BTAF1: variants seen among roughly 807,000 people sequenced by gnomAD.
The protein encoded by BTAF1 is B-TFIID TATA-box binding protein associated factor 1, also known as TATA-binding protein-associated factor 172.
In BTAF1, 38 loss-of-function variants were observed where a neutral mutation model predicts 227.1. The ratio of observed to expected loss-of-function variants is 0.17; its 90% CI spans 0.13 to 0.22. BTAF1 has a LOEUF of 0.22. BTAF1 is among the 10% of genes least tolerant of loss of function. BTAF1 has a pLI of 1.00. For missense variants in BTAF1, 1,598 were observed against 2,204.0 expected, an observed-to-expected ratio of 0.73 and a Z score of 5.51; for synonymous variants, 742 against 751.9, an observed-to-expected ratio of 0.99 and a Z score of 0.21.
Position 91,924,116 on chromosome 10 carries a change from C to G in BTAF1, c.14+26C>G. 6 of 1,605,288 alleles carry G rather than the reference C, an allele frequency of 3.7e-6. No homozygotes were observed. The South Asian group carries it at 4.5e-5, about 12-fold the overall frequency. On this transcript the variant is annotated intron_variant, in intron 1 of 37. Transcript: ENST00000265990. Reference sequence around the variant, plus strand: ...GTGGGTCTTGCTCCTGACGAGCAAACTGGAAGGCGATTCAGGGAAGGCATG... The same window carrying G: ...GTGGGTCTTGCTCCTGACGAGCAAAGTGGAAGGCGATTCAGGGAAGGCATG...
intron 22 of BTAF1, 118 bp downstream of exon 22, chr10:91,993,965 G>A (rs547251896): frequency 1.3e-6 from 1 of 762,132 alleles, no homozygotes; most frequent in Non-Finnish European, 1.8e-6. Context: ...AGACCAGCTG[G>A]TAAGTTTTAA....
intron 26 of BTAF1, among the ~76,000 whole-genome samples, chr10:92,008,540 G>A (rs543418828): frequency 9.4e-5 from 14 of 148,596 alleles, no homozygotes; most frequent in South Asian, 2.1e-4. Context: ...TAGAGGCAGC[G>A]TTCTCATTTT....
chr10:91,924,217 A>G, intron 1 of BTAF1, 127 bp downstream of exon 1: 1 of 1,305,036 alleles, frequency 7.7e-7, no homozygotes, highest in Non-Finnish European at 1.0e-6. Context: ...TCTTCAGTAG[A>G]CTTCGGAGTT....
Position 92,030,632 on chromosome 10 carries a change from A to ATGTC in BTAF1, c.*1700_*1703dup, listed in dbSNP as rs1488777964. On this transcript the variant is annotated 3_prime_UTR_variant, in exon 38 of 38. Coordinates refer to ENST00000265990, the MANE Select transcript of BTAF1 (RefSeq NM_003972.3). Reference sequence around the variant, plus strand: ...AGTTAGTACTTTTTCCCAATCTGAAATGTCAGATAGAGCTAGAAGTCAGAT... The same window carrying ATGTC: ...AGTTAGTACTTTTTCCCAATCTGAAATGTCTGTCAGATAGAGCTAGAAGTCAGAT... Among the ~76,000 whole-genome samples, 4 of 145,752 alleles carry ATGTC rather than the reference A, an allele frequency of 2.7e-5. No homozygotes were observed. The highest frequency in any genetic ancestry group is 9.7e-5 in the African/African-American group (4 of 41,186).
At chr10:92,023,684 T>TA (rs532206047) in intron 34 of BTAF1, among the ~76,000 whole-genome samples, 27 of 150,902 alleles carry the variant, frequency 1.8e-4, no homozygotes, top group Admixed American at 3.3e-4. Context: ...ACTCTGTCTC[T>TA]AAAAAAAAAG....
At chr10:91,942,853 A>C (rs1845106201) in intron 4 of BTAF1, among the ~76,000 whole-genome samples, 1 of 152,194 alleles carries the variant, frequency 6.6e-6, no homozygotes, top group African/African-American at 2.4e-5. Flanking sequence ...GAAATTATAA[A>C]GTGTTCCCCA....
intron 19 of BTAF1, among the ~76,000 whole-genome samples, chr10:91,984,657 T>G (rs1848280185): frequency 6.6e-6 from 1 of 152,178 alleles, no homozygotes; most frequent in South Asian, 2.1e-4. Context: ...AGCTATTATA[T>G]TTTGTCATTT....
intron 1 of BTAF1, among the ~76,000 whole-genome samples, chr10:91,925,439 C>T (rs1224828950): frequency 6.6e-6 from 1 of 151,300 alleles, no homozygotes; most frequent in Admixed American, 6.6e-5. Flanking sequence ...TGTGCATTTT[C>T]ACAGGATTGG....
chr10:91,974,820 C>T (rs1244225894), intron 14 of BTAF1, among the ~76,000 whole-genome samples: 3 of 152,134 alleles, frequency 2.0e-5, no homozygotes, highest in Non-Finnish European at 4.4e-5. Flanking sequence ...CACCACTGCA[C>T]TCCAGCCTAG....
At chr10:91,966,906 A>C in intron 14 of BTAF1, 149 bp downstream of exon 14, 1 of 655,278 alleles carries the variant, frequency 1.5e-6, no homozygotes. Flanking sequence ...GAATATAATC[A>C]CTGTAAGAGC....
intron 15 of BTAF1, 94 bp downstream of exon 15, chr10:91,980,652 T>TC: frequency 2.1e-6 from 2 of 943,852 alleles, no homozygotes; most frequent in Non-Finnish European, 3.3e-6. Context: ...CATTCATATC[T>TC]CATGGAGATT....
intron 5 of BTAF1, among the ~76,000 whole-genome samples, chr10:91,952,391 C>T (rs990015258): frequency 2.0e-5 from 3 of 152,136 alleles, no homozygotes; most frequent in African/African-American, 7.2e-5. Flanking sequence ...ATGCCACAGA[C>T]TCTTTTGAAG....
intron 14 of BTAF1, among the ~76,000 whole-genome samples, chr10:91,978,451 G>A (rs1847839209): frequency 6.6e-6 from 1 of 152,070 alleles, no homozygotes; most frequent in Admixed American, 6.5e-5. Context: ...TTTGCTTATT[G>A]CTGTTATAGC....
chr10:92,027,736 G>A (rs965253124), intron 37 of BTAF1, among the ~76,000 whole-genome samples: 3 of 150,404 alleles, frequency 2.0e-5, no homozygotes, highest in Non-Finnish European at 4.5e-5. Flanking sequence ...TCAATAAATA[G>A]TAGCCATTGT....
chr10:92,011,404 A>G lies in BTAF1; in HGVS notation c.4300A>G (p.Thr1434Ala). ...TANYRIILSGTPIQNNVLELW... is the reference protein window; with the variant it reads ...TANYRIILSGAPIQNNVLELW... ...TAATTATAGGATTATTCTTTCTGGA[A>G]CACCAATCCAGGTAATTATTTATTA... The change falls in exon 30 of 38, where the codon ACA becomes GCA. Residue 1434 changes from threonine (T) to alanine (A), a missense_variant. Physicochemically the swap from Thr to Ala is moderately conservative, Grantham distance 58. This residue lies in a region of BTAF1 where 184 missense variants were observed against 341.1 expected (regional missense o/e 0.54). Transcript: ENST00000265990. The G allele has an allele frequency of 7.4e-7, 1 of 1,357,950 alleles. No homozygotes were observed. Among genetic ancestry groups the G allele is most frequent in the Non-Finnish European group, 9.7e-7 (1 of 1,035,078 alleles). 84.1% of individuals were successfully genotyped at this position (1,357,950 alleles called of 1,614,324 possible).
At position 92,029,077 on chromosome 10, in the gene BTAF1, ACTGG is replaced by A; in HGVS notation, c.*145_*148del. Reference sequence around the variant, plus strand: ...TCAGCATAATGCTGGCTCTTGTTTCACTGGGGGAAACAAGTTATTCTCAAATATT... The same window carrying A: ...TCAGCATAATGCTGGCTCTTGTTTCAGGGAAACAAGTTATTCTCAAATATT... On this transcript the variant is annotated 3_prime_UTR_variant, in exon 38 of 38. Coordinates refer to ENST00000265990, the MANE Select transcript of BTAF1 (RefSeq NM_003972.3). The A allele has an allele frequency of 9.3e-6, 6 of 644,516 alleles. No individual in the cohort carries two copies. The highest frequency in any genetic ancestry group is 1.5e-5 in the Non-Finnish European group (6 of 410,782). 39.9% of individuals were successfully genotyped at this position (644,516 alleles called of 1,614,324 possible). A position where few individuals can be genotyped will look rare whatever the true frequency, so the allele number is the denominator to read the frequency against.
intron 12 of BTAF1, among the ~76,000 whole-genome samples, chr10:91,962,921 A>G (rs1254912310): frequency 1.3e-5 from 2 of 151,518 alleles, no homozygotes; most frequent in African/African-American, 4.8e-5. Context: ...GAATGCAGCC[A>G]TTTCTTCCTA....
chr10:91,925,428 C>T (rs1282591733), intron 1 of BTAF1, among the ~76,000 whole-genome samples: 2 of 151,740 alleles, frequency 1.3e-5, no homozygotes, highest in African/African-American at 4.8e-5. Context: ...TTAGAGCAAC[C>T]TGTGCATTTT....
rs994633517 is a variant in BTAF1 at position 92,011,115 on chromosome 10, A to T, written c.4146A>T (p.Ser1382=). The change falls in exon 29 of 38, where the codon TCA becomes TCT. Residue 1382 remains serine (S), a synonymous_variant. Coordinates refer to ENST00000265990, the MANE Select transcript of BTAF1 (RefSeq NM_003972.3). ...AAAGGCACAATCTAATAGTGGCTTC[A>T]TATGATGTTGTGAGGAATGACATAG... ...QVKRHNLIVA[S]YDVVRNDIDF... The T allele has an allele frequency of 2.5e-6, 4 of 1,606,044 alleles. No individual in the cohort carries two copies. The African/African-American group carries it at 4.0e-5, about 16-fold the overall frequency.
Sources: allele counts gnomAD v4.1 joint callset (sites outside exome capture counted in the v4.1 genomes callset), GRCh38; gene constraint gnomAD v4.1.1; regional missense constraint gnomAD v4.1.1; transcripts MANE v1.5; gene names NCBI Gene and HGNC (gene_info 2026-07-23, HGNC 2026-07-21).